The following ARHGAP25 variants were observed in gnomAD, a reference collection of about 807,000 sequenced individuals.
The protein encoded by ARHGAP25 is rho GTPase-activating protein 25.
Under a neutral mutation model 71.0 loss-of-function variants are expected in ARHGAP25, and 34 were observed. The observed-to-expected ratio is 0.48, with a 90% CI of 0.36 to 0.64. ARHGAP25 has a LOEUF of 0.64. ARHGAP25 is among the 30% of genes least tolerant of loss of function. ARHGAP25 has a pLI of 0.00. For missense variants in ARHGAP25, 706 were observed against 805.1 expected (o/e 0.88, Z 1.49); for synonymous variants, 282 against 296.5 (o/e 0.95, Z 0.50).
chr2:68,711,082 C>T (rs1227866821), intron 2 of ARHGAP25, among the ~76,000 whole-genome samples: 1 of 152,180 alleles, frequency 6.6e-6, no homozygotes. Flanking sequence ...GCAGCCCCCT[C>T]CCTCTCAATG....
At chr2:68,756,253 G>A (rs6709874) in intron 1 of ARHGAP25, among the ~76,000 whole-genome samples, 1 of 152,166 alleles carries the variant, frequency 6.6e-6, no homozygotes, top group Non-Finnish European at 1.5e-5. Context: ...TGTGCTCAAC[G>A]TGCAGGGGCC....
At chr2:68,794,193 A>G (rs890871612) in intron 4 of ARHGAP25, among the ~76,000 whole-genome samples, 3 of 152,116 alleles carry the variant, frequency 2.0e-5, no homozygotes, top group Non-Finnish European at 4.4e-5. Context: ...TTTTCTAGAT[A>G]TAAGATCACA....
intron 4 of ARHGAP25, among the ~76,000 whole-genome samples, chr2:68,805,031 G>C (rs149565128): frequency 6.6e-6 from 1 of 152,312 alleles, no homozygotes; most frequent in East Asian, 1.9e-4. Flanking sequence ...GTAGGATGTA[G>C]TCCCTCCATC....
chr2:68,765,504 C>G (rs931651264), intron 1 of ARHGAP25, among the ~76,000 whole-genome samples: 7 of 152,110 alleles, frequency 4.6e-5, no homozygotes, highest in Non-Finnish European at 8.8e-5. Context: ...TGAAGTTCAA[C>G]AGAATATTTC....
intron 3 of ARHGAP25, among the ~76,000 whole-genome samples, chr2:68,785,303 C>T (rs1388942163): frequency 6.6e-6 from 1 of 152,088 alleles, no homozygotes; most frequent in Non-Finnish European, 1.5e-5. Flanking sequence ...GTAGTGGGGG[C>T]AAGGGCAGAA....
chr2:68,749,834 G>A (rs1676051951), intron 1 of ARHGAP25, among the ~76,000 whole-genome samples: 1 of 152,216 alleles, frequency 6.6e-6, no homozygotes, highest in South Asian at 2.1e-4. Context: ...TGTGCCATAA[G>A]TGTTGCTAAG....
chr2:68,801,804 T>A (rs1679986964), intron 4 of ARHGAP25, among the ~76,000 whole-genome samples: 1 of 152,148 alleles, frequency 6.6e-6, no homozygotes, highest in African/African-American at 2.4e-5. Flanking sequence ...GCTCTATGAG[T>A]AGAGGAAAGA....
chr2:68,793,594 G>A (rs1679340592), intron 4 of ARHGAP25, among the ~76,000 whole-genome samples: 3 of 152,042 alleles, frequency 2.0e-5, no homozygotes, highest in Admixed American at 2.0e-4. Context: ...TAAATATGTG[G>A]CTTTATTGCT....
intron 1 of ARHGAP25, among the ~76,000 whole-genome samples, chr2:68,771,282 C>T (rs999821141): frequency 3.9e-5 from 6 of 152,180 alleles, no homozygotes; most frequent in African/African-American, 1.4e-4. Flanking sequence ...CTTTCCCCGC[C>T]CTGGTCTGCC....
chr2:68,825,701 G>A (rs975406537), intron 10 of ARHGAP25, among the ~76,000 whole-genome samples: 6 of 152,218 alleles, frequency 3.9e-5, no homozygotes, highest in African/African-American at 1.4e-4. Flanking sequence ...TGTGAACCTG[G>A]GAGGCGGAGC....
At chr2:68,813,553 C>G (rs1680988051) in intron 6 of ARHGAP25, 134 bp downstream of exon 6, 5 of 976,468 alleles carry the variant, frequency 5.1e-6, no homozygotes, top group African/African-American at 1.7e-5. Context: ...TCCTCAGCAA[C>G]AAAAGGTATA....
intron 3 of ARHGAP25, among the ~76,000 whole-genome samples, chr2:68,787,594 C>T (rs915054988): frequency 4.6e-5 from 7 of 152,264 alleles, no homozygotes; most frequent in African/African-American, 1.7e-4. Flanking sequence ...ATGAAAGCAG[C>T]TCTCAGCCCA....
At chr2:68,779,560 G>C (rs1250560642) in intron 2 of ARHGAP25, among the ~76,000 whole-genome samples, 3 of 152,172 alleles carry the variant, frequency 2.0e-5, no homozygotes, top group Non-Finnish European at 4.4e-5. Context: ...AAGGAGTTGG[G>C]CTAAAATGTA....
At chr2:68,727,805 G>A (rs1236191273) in intron 2 of ARHGAP25, among the ~76,000 whole-genome samples, 1 of 152,270 alleles carries the variant, frequency 6.6e-6, no homozygotes, top group African/African-American at 2.4e-5. Context: ...GGTAATGAGG[G>A]ATGACGGTGA....
At chr2:68,769,034 T>G (rs1677310294) in intron 1 of ARHGAP25, among the ~76,000 whole-genome samples, 1 of 152,178 alleles carries the variant, frequency 6.6e-6, no homozygotes, top group African/African-American at 2.4e-5. Context: ...ACCCCAGACC[T>G]CACAAAAATC....
chr2:68,730,399 CTT>C (rs1205101293), upstream of ARHGAP25, among the ~76,000 whole-genome samples: 8 of 152,172 alleles, frequency 5.3e-5, no homozygotes, highest in African/African-American at 2.4e-5. Context: ...AATCTCAGCA[CTT>C]TGGAGGCCAA....
At chr2:68,784,879 G>C (rs977427376) in intron 3 of ARHGAP25, among the ~76,000 whole-genome samples, 3 of 152,234 alleles carry the variant, frequency 2.0e-5, no homozygotes, top group Admixed American at 2.0e-4. Flanking sequence ...CAAAGAGAGA[G>C]AAGGTGCTGG....
chr2:68,740,525 C>T (rs1675466467), intron 1 of ARHGAP25, among the ~76,000 whole-genome samples: 1 of 152,204 alleles, frequency 6.6e-6, no homozygotes, highest in Non-Finnish European at 1.5e-5. Context: ...GCCCTCTCTC[C>T]ATCTGGGTCT....
intron 2 of ARHGAP25, among the ~76,000 whole-genome samples, chr2:68,724,532 T>C (rs1178478570): frequency 6.6e-6 from 1 of 152,192 alleles, no homozygotes; most frequent in Non-Finnish European, 1.5e-5. Context: ...TTTGCTGATG[T>C]TCTTCCTGAG....
Sources: allele counts gnomAD v4.1 joint callset (sites outside exome capture counted in the v4.1 genomes callset), GRCh38; gene constraint gnomAD v4.1.1; transcripts MANE v1.5; gene names NCBI Gene and HGNC (gene_info 2026-07-23, HGNC 2026-07-21).